The following DPP6 variants were observed in gnomAD, a reference collection of about 807,000 sequenced individuals.
The protein encoded by DPP6 is dipeptidyl peptidase like 6, also known as A-type potassium channel modulatory protein DPP6.
A neutral mutation model predicts 122.6 loss-of-function variants in DPP6; 69 were observed. That is an observed-to-expected ratio of 0.56 (90% CI 0.46 to 0.69). The LOEUF (loss-of-function observed/expected upper bound fraction) is 0.69, where lower values mean the gene tolerates loss of function less well. Ranked by LOEUF, DPP6 falls within the 30% of genes least tolerant of loss-of-function variation. The pLI is 0.00. For missense variants in DPP6, 928 were observed against 1,116.9 expected (o/e 0.83, Z 2.41); for synonymous variants, 418 against 433.1 (o/e 0.97, Z 0.43).
chr7:153,959,966 TC>T (rs1795263696), intron 1 of DPP6, among the ~76,000 whole-genome samples: 2 of 152,198 alleles, frequency 1.3e-5, no homozygotes, highest in African/African-American at 2.4e-5. Flanking sequence ...GTGTGACTCT[TC>T]CTTTCACTTT....
chr7:153,994,816 T>C (rs771863652), intron 1 of DPP6, among the ~76,000 whole-genome samples: 1 of 152,158 alleles, frequency 6.6e-6, no homozygotes, highest in Non-Finnish European at 1.5e-5. Context: ...AGACTAAAAT[T>C]ATGCTGTTCA....
intron 5 of DPP6, chr7:154,587,522 A>C (rs1832534725): frequency 3.1e-6 from 3 of 974,938 alleles, no homozygotes; most frequent in Admixed American, 5.1e-5. Context: ...TTGAAGACCC[A>C]ATGTGAACAT....
At chr7:153,993,063 T>C (rs1481841745) in intron 1 of DPP6, among the ~76,000 whole-genome samples, 1 of 152,206 alleles carries the variant, frequency 6.6e-6, no homozygotes, top group Non-Finnish European at 1.5e-5. Context: ...TTTCTTATCC[T>C]TCTACTAAAT....
intron 5 of DPP6, among the ~76,000 whole-genome samples, chr7:154,619,248 C>T (rs1251130178): frequency 3.3e-5 from 5 of 152,190 alleles, no homozygotes; most frequent in African/African-American, 1.2e-4. Flanking sequence ...ATAGGCACTC[C>T]ATGTTCATGA....
chr7:154,298,005 T>C (rs1805654182), intron 1 of DPP6, among the ~76,000 whole-genome samples: 1 of 152,192 alleles, frequency 6.6e-6, no homozygotes, highest in African/African-American at 2.4e-5. Flanking sequence ...GTTTTGAAGA[T>C]GTGATTGATA....
chr7:154,098,670 G>C (rs1805512104), intron 1 of DPP6, among the ~76,000 whole-genome samples: 1 of 151,646 alleles, frequency 6.6e-6, no homozygotes, highest in East Asian at 1.9e-4. Flanking sequence ...TTATGTTACT[G>C]AGGGCAGAAG....
chr7:154,440,316 G>A (rs983607099), intron 1 of DPP6, among the ~76,000 whole-genome samples: 2 of 151,998 alleles, frequency 1.3e-5, no homozygotes, highest in Non-Finnish European at 2.9e-5. Context: ...ATACCTTGCG[G>A]CCATATCCAT....
At chr7:154,577,695 G>T (rs919247714) in intron 5 of DPP6, among the ~76,000 whole-genome samples, 3 of 152,278 alleles carry the variant, frequency 2.0e-5, no homozygotes, top group Non-Finnish European at 4.4e-5. Flanking sequence ...GAGAACACTC[G>T]ATTGCTTTCA....
intron 1 of DPP6, among the ~76,000 whole-genome samples, chr7:154,267,372 T>TATTAC (rs1803488539): frequency 6.8e-6 from 1 of 147,826 alleles, no homozygotes; most frequent in African/African-American, 2.5e-5. Context: ...TAACAAATTA[T>TATTAC]ATATATATTT....
At chr7:154,260,737 T>G (rs1802962213) in intron 1 of DPP6, among the ~76,000 whole-genome samples, 1 of 148,022 alleles carries the variant, frequency 6.8e-6, no homozygotes, top group Non-Finnish European at 1.5e-5. Context: ...TACATATATA[T>G]GTATAATATA....
chr7:154,572,941 A>C (rs1831223020), intron 5 of DPP6, among the ~76,000 whole-genome samples: 1 of 152,072 alleles, frequency 6.6e-6, no homozygotes, highest in Admixed American at 6.6e-5. Flanking sequence ...CGGCCTCCCA[A>C]AATGCTGGGG....
At chr7:154,401,387 G>A (rs936472685) in intron 1 of DPP6, among the ~76,000 whole-genome samples, 1 of 151,756 alleles carries the variant, frequency 6.6e-6, no homozygotes. Flanking sequence ...GCTTAACTTT[G>A]TTCAGTACAA....
At chr7:154,563,187 C>G (rs144027314) in intron 4 of DPP6, among the ~76,000 whole-genome samples, 1 of 152,182 alleles carries the variant, frequency 6.6e-6, no homozygotes, top group African/African-American at 2.4e-5. Flanking sequence ...AGGTTGAGAG[C>G]ATTTCAGGCA....
intron 5 of DPP6, among the ~76,000 whole-genome samples, chr7:154,568,461 AAAAC>A (rs1203633467): frequency 6.6e-6 from 1 of 152,234 alleles, no homozygotes; most frequent in East Asian, 1.9e-4. Flanking sequence ...CAGAAGCCTC[AAAAC>A]AAAGTGAGGT....
intron 1 of DPP6, among the ~76,000 whole-genome samples, chr7:153,951,061 T>C (rs1009276719): frequency 6.6e-6 from 1 of 151,542 alleles, no homozygotes; most frequent in African/African-American, 2.4e-5. Flanking sequence ...GGGAATGCAG[T>C]GAGGGAAACA....
At chr7:154,661,910 G>A (rs1431328938) in intron 6 of DPP6, among the ~76,000 whole-genome samples, 9 of 123,192 alleles carry the variant, frequency 7.3e-5, no homozygotes, top group Non-Finnish European at 1.0e-4. Context: ...TAGTGTTCAC[G>A]CAGTCATGGT....
chr7:154,756,914 C>T (rs574467436), intron 8 of DPP6, among the ~76,000 whole-genome samples: 169 of 150,864 alleles, frequency 1.1e-3, no homozygotes, highest in African/African-American at 4.0e-3. Context: ...CCCGTCACAT[C>T]CCCTGAAGAA....
intron 1 of DPP6, among the ~76,000 whole-genome samples, chr7:153,943,108 A>G (rs1801775126): frequency 6.6e-6 from 1 of 152,114 alleles, no homozygotes. Context: ...ATACCAATAT[A>G]CCCTTAATAA....
rs1483031993 is a variant in DPP6 at position 154,486,353 on chromosome 7, C to T, written c.457+11316C>T. 5.3e-5 allele frequency among the ~76,000 whole-genome samples: 8 copies of T among 152,036 alleles called. No homozygotes were observed. Among genetic ancestry groups the T allele is most frequent in the African/African-American group, 1.7e-4 (7 of 41,382 alleles). ...TGCACCATGTTGGTCAGGCTGGTCT[C>T]GAACTACTGACCTCGTGATCTGCCT... On this transcript the variant is annotated intron_variant, in intron 3 of 25. Coordinates refer to ENST00000377770, the MANE Select transcript of DPP6 (RefSeq NM_130797.4). This position sits in a 1 kb window ranked among gnomAD's most constrained non-coding sequence, Gnocchi z 4.5.
Sources: allele counts gnomAD v4.1 joint callset (sites outside exome capture counted in the v4.1 genomes callset), GRCh38; gene constraint gnomAD v4.1.1; non-coding constraint Gnocchi (gnomAD v3.1); transcripts MANE v1.5; gene names NCBI Gene and HGNC (gene_info 2026-07-23, HGNC 2026-07-21).